The following PITPNM1 variants were observed in gnomAD, a reference collection of about 807,000 sequenced individuals.
PITPNM1 encodes the protein phosphatidylinositol transfer protein membrane associated 1, also known as membrane-associated phosphatidylinositol transfer protein 1.
Under a neutral mutation model 133.3 loss-of-function variants are expected in PITPNM1, and 74 were observed. That is an observed-to-expected ratio of 0.56 (90% confidence interval 0.46 to 0.67). The LOEUF is 0.67. Ranked by LOEUF, PITPNM1 falls within the 30% of genes least tolerant of loss-of-function variation. The pLI is 0.00. For missense variants in PITPNM1, 1,398 were observed against 1,739.5 expected, an observed-to-expected ratio of 0.80 and a Z score of 3.49; for synonymous variants, 738 against 741.4, an observed-to-expected ratio of 1.00 and a Z score of 0.08.
At position 67,495,013 on chromosome 11, in the gene PITPNM1, C is replaced by T. The variant is rs190539803; in HGVS notation, c.2632-57G>A. ...CTTAGGGGAGGGAGGGCTGCCCCTC[C>T]CCCGGCCCAAAGCAGCCCATCCCCG... On this transcript the variant is annotated intron_variant, in intron 17 of 23. Coordinates refer to ENST00000356404, the MANE Select transcript of PITPNM1 (RefSeq NM_004910.3). 8,266 of 1,604,460 alleles carry T rather than the reference C, an allele frequency of 5.2e-3. 31 individuals are homozygous for T. Among genetic ancestry groups the T allele is most frequent in the Non-Finnish European group, 5.5e-3 (6,469 of 1,173,476 alleles).
intron 23 of PITPNM1, 68 bp downstream of exon 23, chr11:67,492,866 C>T (rs1301833506): frequency 6.4e-7 from 1 of 1,551,046 alleles, no homozygotes; most frequent in Non-Finnish European, 8.7e-7. Context: ...TCCGTGGTTC[C>T]CAAGGCCTGG....
rs769940514 is a variant in PITPNM1 at position 67,493,509 on chromosome 11, C to T, written c.3243G>A (p.Ser1081=). 1.3e-6 allele frequency: 2 copies of T among 1,596,262 alleles called. No homozygotes were observed. Among genetic ancestry groups the T allele is most frequent in the Admixed American group, 1.7e-5 (1 of 57,576 alleles). The change falls in exon 22 of 24, where the codon TCG becomes TCA. Residue 1081 remains serine, a synonymous_variant. Transcript: ENST00000356404. ...MQKHRVVAWL[S]QHNFPHGVVS... is the part of the protein sequence containing the mutation. ...CGACGCCGTGGGGGAAGTTGTGCTGCGACAGCCATGCCACCACGCGGTGCT... is the reference window on the plus strand; with the variant it reads ...CGACGCCGTGGGGGAAGTTGTGCTGTGACAGCCATGCCACCACGCGGTGCT...
At chr11:67,493,131 G>A (rs1865989298) in intron 22 of PITPNM1, 69 bp from the exon 23 acceptor site, 6 of 1,584,186 alleles carry the variant, frequency 3.8e-6, no homozygotes, top group Admixed American at 1.7e-5. Flanking sequence ...GGCCTGTTGG[G>A]CTTCCCCAGA....
Position 67,493,370 on chromosome 11 carries a change from G to C in PITPNM1, c.3342+40C>G, listed in dbSNP as rs768510149. On this transcript the variant is annotated intron_variant, in intron 22 of 23. Coordinates refer to ENST00000356404, the MANE Select transcript of PITPNM1 (RefSeq NM_004910.3). ...GGGGGTGGAGGGTAAGGGGGAGCGG[G>C]GGCGGGGTCAGGACCCGGAGCCTCC... The C allele has an allele frequency of 2.0e-5, 31 of 1,513,274 alleles. 1 individual carries two copies. The South Asian group carries it at 3.9e-4, about 19-fold the overall frequency. The allele number at this position is 1,513,274 out of a possible 1,614,324, so 93.7% of individuals were successfully genotyped here. A position where few individuals can be genotyped will look rare whatever the true frequency, so the allele number is the denominator to read the frequency against.
rs1000389359 is a variant in PITPNM1, at chr11:67,500,299, G to A, written c.763C>T (p.Arg255Cys). The change falls in exon 6 of 24, where the codon CGC (arginine) becomes TGC (cysteine). Residue 255 changes from arginine (R) to cysteine (C), a missense_variant. By Grantham distance (180) the Arg-to-Cys change is radical. Transcript: ENST00000356404. ...CTGCCTGTGTTGCACTTGGCCATGC[G>A]CTGGGCCAGCATGCGAGCAGTCTCC... ...EEETARMLAQ[R>C]MAKCNTGSEG... The A allele has an allele frequency of 5.6e-6, 9 of 1,610,968 alleles. No individual in the cohort carries two copies. Among genetic ancestry groups the A allele is most frequent in the Middle Eastern group, 1.6e-4 (1 of 6,082 alleles).
intron 14 of PITPNM1, chr11:67,496,950 T>G (rs1052371899): frequency 1.1e-5 from 3 of 285,140 alleles, no homozygotes; most frequent in Non-Finnish European, 1.9e-5. Context: ...AAAAAAAGGC[T>G]GAGAAGAGGG....
chr11:67,492,893 C>A lies in PITPNM1; in HGVS notation c.3471+41G>T, dbSNP rs756497991. 3 of 1,596,790 alleles carry A rather than the reference C, an allele frequency of 1.9e-6. No individual in the cohort carries two copies. The Admixed American group carries it at 5.1e-5, about 27-fold the overall frequency. On this transcript the variant is annotated intron_variant, in intron 23 of 23. Coordinates refer to ENST00000356404, the MANE Select transcript of PITPNM1 (RefSeq NM_004910.3). The stretch of plus-strand genomic sequence containing the variant: ...AAGGCCTGGGACTGAGGGCCCTGCC[C>A]CCTGGTGGGGTCCTGTTCCTGGCCT...
chr11:67,492,080 G>A lies in PITPNM1; in HGVS notation c.3688C>T (p.Arg1230Trp), dbSNP rs369506944. ...GPGTPPTTLA[R>W]GKARSISLKL... ...AGGCTGATGCTCCGTGCTTTGCCCC[G>A]TGCCAGGGTGGTGGGTGGTGTTCCC... The change falls in exon 24 of 24, where the codon CGG becomes TGG. Residue 1230 changes from arginine to tryptophan, a missense_variant. By Grantham distance (101) the Arg-to-Trp change is moderately radical. This residue lies in a region of PITPNM1 where 122 missense variants were observed against 123.3 expected (regional missense o/e 0.99). Coordinates refer to ENST00000356404, the MANE Select transcript of PITPNM1 (RefSeq NM_004910.3). The A allele has an allele frequency of 2.2e-5, 36 of 1,612,554 alleles. No homozygotes were observed. The highest frequency in any genetic ancestry group is 3.0e-5 in the Non-Finnish European group (35 of 1,179,904).
In PITPNM1 at chr11:67,497,690, C is replaced by A. The variant is rs1254295326; in HGVS notation, c.1783-11G>T. 2 of 1,607,818 alleles carry A rather than the reference C, an allele frequency of 1.2e-6. No individual in the cohort carries two copies. The highest frequency in any genetic ancestry group is 2.7e-5 in the African/African-American group (2 of 74,522). On this transcript the variant is annotated splice_polypyrimidine_tract_variant and intron_variant, in intron 12 of 23. Transcript: ENST00000356404. ...GAGCAGCTCATTGTTCTGGATGGAA[C>A]AGGAGACAGAAACATTCTTAGGCCT... is the stretch of plus-strand genomic sequence containing the variant.
In PITPNM1 at chr11:67,499,023, G is replaced by A; in HGVS notation, c.1172-22C>T. 3 of 1,595,346 alleles carry A rather than the reference G, an allele frequency of 1.9e-6. No individual in the cohort carries two copies. In the South Asian group the frequency reaches 3.4e-5, roughly 18 times the overall value. On this transcript the variant is annotated intron_variant, in intron 8 of 23. Transcript: ENST00000356404. The stretch of plus-strand genomic sequence containing the variant: ...GGCTCTGCAGGGCAACGAAGCCAGT[G>A]AGAGGGACGGAGAGGACCACTGGGA...
rs1283345302 is a variant in PITPNM1, at chr11:67,496,211, A to G, written c.2284T>C (p.Phe762Leu). Reference sequence around the variant, plus strand: ...AGGGATGAGCCATCTCCCAGGGGGAACTTCTGGTAGCGGGGCACGGTCAGT... The same window carrying G: ...AGGGATGAGCCATCTCCCAGGGGGAGCTTCTGGTAGCGGGGCACGGTCAGT... The part of the protein sequence containing the change: ...APLTVPRYQK[F>L]PLGDGSSLLL... The change falls in exon 15 of 24, where the codon TTC becomes CTC. Residue 762 changes from phenylalanine to leucine, a missense_variant. Phe to Leu is a conservative substitution (Grantham distance 22, BLOSUM62 0). Transcript: ENST00000356404. 1.3e-6 allele frequency: 2 copies of G among 1,545,512 alleles called. No homozygotes were observed. The highest frequency in any genetic ancestry group is 1.7e-4 in the Middle Eastern group (1 of 5,828).
rs199628234 is a variant in PITPNM1 at position 67,494,261 on chromosome 11, T to G, written c.2842A>C (p.Thr948Pro). Residue 948 changes from threonine to proline, a missense_variant, in exon 19 of 24, where the codon ACG becomes CCG. Transcript: ENST00000356404. ...RFMYGPLDVVTLTGEKVDVYI... is the reference protein window; with the variant it reads ...RFMYGPLDVVPLTGEKVDVYI... ...GTCCTGACCTTCTCTCCAGTGAGCG[T>G]GACGACGTCCAGGGGCCCGTACATG... 4 of 1,612,538 alleles carry G rather than the reference T, an allele frequency of 2.5e-6. No individual in the cohort carries two copies. Among genetic ancestry groups the G allele is most frequent in the Non-Finnish European group, 2.5e-6 (3 of 1,179,802 alleles).
Position 67,491,835 on chromosome 11 carries a change from C to A in PITPNM1, c.*198G>T, listed in dbSNP as rs575975891. The stretch of plus-strand genomic sequence containing the variant: ...GGAAAAGCCTCTGCGCCCATGCCCA[C>A]GCCCTCCTCCCTCCCCCCGGCGCTG... On this transcript the variant is annotated 3_prime_UTR_variant, in exon 24 of 24. Coordinates refer to ENST00000356404, the MANE Select transcript of PITPNM1 (RefSeq NM_004910.3). 2 of 620,386 alleles carry A rather than the reference C, an allele frequency of 3.2e-6. No homozygotes were observed. Among genetic ancestry groups the A allele is most frequent in the Non-Finnish European group, 2.8e-6 (1 of 359,588 alleles). 38.4% of individuals were successfully genotyped at this position (620,386 alleles called of 1,614,324 possible).
chr11:67,504,256 G>A lies in PITPNM1; in HGVS notation c.-41-35C>T. On this transcript the variant is annotated intron_variant, in intron 1 of 23. Coordinates refer to ENST00000356404, the MANE Select transcript of PITPNM1 (RefSeq NM_004910.3). This position sits in a 1 kb window ranked among gnomAD's most constrained non-coding sequence, Gnocchi z 5.4. ...GGCACGGCGCGACAGTCAGTGCGGG[G>A]AGGCTGCGCGCGGCCCCGAGCCCTG... 2 of 1,002,226 alleles carry A rather than the reference G, an allele frequency of 2.0e-6. No individual in the cohort carries two copies. The highest frequency in any genetic ancestry group is 2.2e-5 in the South Asian group (1 of 46,204). 62.1% of individuals were successfully genotyped at this position (1,002,226 alleles called of 1,614,324 possible).
Position 67,502,376 on chromosome 11 carries a change from T to C in PITPNM1, c.331A>G (p.Ile111Val). Residue 111 changes from isoleucine (I) to valine (V), a missense_variant, in exon 4 of 24, where the codon ATT becomes GTT. This residue lies in a region of PITPNM1 where 274 missense variants were observed against 360.7 expected (regional missense o/e 0.76). Coordinates refer to ENST00000356404, the MANE Select transcript of PITPNM1 (RefSeq NM_004910.3). This position sits in a 1 kb window ranked among gnomAD's most constrained non-coding sequence, Gnocchi z 5.9. ...CCATCAGGCAGGTAATAGGTCTCAA[T>C]TTCAATGGAGAATTTCTCCACGAAA... ...CPFVEKFSIE[I>V]ETYYLPDGGQ... The C allele has an allele frequency of 6.2e-7, 1 of 1,613,920 alleles. No individual in the cohort carries two copies. The highest frequency in any genetic ancestry group is 1.1e-5 in the South Asian group (1 of 91,086).
In PITPNM1 at chr11:67,500,390, G is replaced by T. The variant is rs1163653663; in HGVS notation, c.672C>A (p.Arg224=). The change falls in exon 6 of 24, where the codon CGC becomes CGA. Residue 224 remains arginine (R), a synonymous_variant. Transcript: ENST00000356404. ...ACTCATCCTGCCAGCACCAGGCCTGGCGGTGGGCCCGCAGCATCACCCGAC... is the reference window on the plus strand; with the variant it reads ...ACTCATCCTGCCAGCACCAGGCCTGTCGGTGGGCCCGCAGCATCACCCGAC... ...GLRRVMLRAH[R]QAWCWQDEWT... The T allele has an allele frequency of 1.2e-6, 2 of 1,611,280 alleles. No individual in the cohort carries two copies. Among genetic ancestry groups the T allele is most frequent in the Non-Finnish European group, 8.5e-7 (1 of 1,179,828 alleles).
intron 19 of PITPNM1, 65 bp from the exon 20 acceptor site, chr11:67,494,135 G>A: frequency 6.3e-7 from 1 of 1,577,266 alleles, no homozygotes; most frequent in Middle Eastern, 1.7e-4. Flanking sequence ...AGGCGGGGCT[G>A]TCGTCGGGGA....
At chr11:67,501,662 T>C (rs1053202834) in intron 5 of PITPNM1, among the ~76,000 whole-genome samples, 200 bp downstream of exon 5, 3 of 152,218 alleles carry the variant, frequency 2.0e-5, no homozygotes, top group African/African-American at 7.2e-5. Flanking sequence ...AGTATGGACC[T>C]TGTAGATCAT....
chr11:67,499,697 G>A (rs762417425), intron 8 of PITPNM1, 26 bp downstream of exon 8: 1 of 1,281,518 alleles, frequency 7.8e-7, no homozygotes, highest in Admixed American at 2.4e-5. Flanking sequence ...GGTGCTGGGG[G>A]CCGGTGTCCT....
Sources: allele counts gnomAD v4.1 joint callset (sites outside exome capture counted in the v4.1 genomes callset), GRCh38; gene constraint gnomAD v4.1.1; regional missense constraint gnomAD v4.1.1; non-coding constraint Gnocchi (gnomAD v3.1); transcripts MANE v1.5; gene names NCBI Gene and HGNC (gene_info 2026-07-23, HGNC 2026-07-21).